Variants in HDAC9 observed in about 807,000 individuals in gnomAD.
HDAC9 encodes the protein histone deacetylase 9.
A neutral mutation model predicts 139.4 loss-of-function variants in HDAC9; 41 were observed. The ratio of observed to expected loss-of-function variants is 0.29; its 90% CI spans 0.23 to 0.38. The LOEUF (loss-of-function observed/expected upper bound fraction) is 0.38, where lower values mean the gene tolerates loss of function less well. HDAC9 is among the 10% of genes least tolerant of loss of function. The pLI, the probability that HDAC9 is intolerant of heterozygous loss-of-function variation, is 1.00. For synonymous variants in HDAC9, 517 were observed against 476.2 expected (o/e 1.09, Z -1.12); for missense variants, 1,147 against 1,297.0 (o/e 0.88, Z 1.78).
chr7:18,954,033 T>C, intron 23 of HDAC9, 113 bp from the exon 24 acceptor site: 1 of 707,496 alleles, frequency 1.4e-6, no homozygotes, highest in East Asian at 2.8e-5. Context: ...TGTTAACTAG[T>C]TCTCGGAGCA....
intron 13 of HDAC9, among the ~76,000 whole-genome samples, chr7:18,738,629 G>A (rs528370990): frequency 6.6e-5 from 10 of 152,312 alleles, no homozygotes; most frequent in East Asian, 3.9e-4. Context: ...AGAGAGATCC[G>A]CTGTTAGTCT....
At chr7:18,554,272 G>GA (rs538651140) in intron 2 of HDAC9, among the ~76,000 whole-genome samples, 10 of 142,212 alleles carry the variant, frequency 7.0e-5, no homozygotes, top group East Asian at 4.1e-4. Flanking sequence ...GAAAAGACAG[G>GA]AAAAAAAAAG....
At chr7:18,179,473 GT>G (rs1211261274) in intron 2 of HDAC9, among the ~76,000 whole-genome samples, 2 of 152,140 alleles carry the variant, frequency 1.3e-5, no homozygotes, top group Non-Finnish European at 2.9e-5. Context: ...TTTATATCCT[GT>G]TGGGGTTCTA....
chr7:18,602,086 A>G (rs549130234), intron 6 of HDAC9, among the ~76,000 whole-genome samples: 6 of 152,210 alleles, frequency 3.9e-5, no homozygotes, highest in Non-Finnish European at 2.9e-5. Context: ...AACCATTTGG[A>G]CCTGGTGCTT....
intron 1 of HDAC9, among the ~76,000 whole-genome samples, chr7:18,359,562 A>G (rs1783609986): frequency 6.6e-6 from 1 of 152,200 alleles, no homozygotes; most frequent in Non-Finnish European, 1.5e-5. Context: ...ATGTAACTGT[A>G]GTCCCCAGCA....
intron 1 of HDAC9, among the ~76,000 whole-genome samples, chr7:18,358,696 C>G (rs980741763): frequency 6.6e-5 from 10 of 152,164 alleles, no homozygotes; most frequent in African/African-American, 2.2e-4. Context: ...TATTCCTTCT[C>G]TATATCACTT....
chr7:18,756,984 G>A (rs184347841), intron 14 of HDAC9, among the ~76,000 whole-genome samples: 14 of 151,818 alleles, frequency 9.2e-5, no homozygotes, highest in South Asian at 4.2e-4. Context: ...CATTTCTTAC[G>A]TAACATTTTA....
chr7:18,372,922 G>A (rs184386700), intron 1 of HDAC9, among the ~76,000 whole-genome samples: 1 of 152,214 alleles, frequency 6.6e-6, no homozygotes, highest in Non-Finnish European at 1.5e-5. Flanking sequence ...TTAATAAACT[G>A]GAAATTGCAT....
chr7:18,403,395 A>G (rs1299075994), intron 1 of HDAC9, among the ~76,000 whole-genome samples: 2 of 152,094 alleles, frequency 1.3e-5, no homozygotes, highest in East Asian at 1.9e-4. Context: ...ATTTTTAACT[A>G]TTTCTTTCCA....
At chr7:18,985,558 G>T (rs1191480864) in intron 25 of HDAC9, among the ~76,000 whole-genome samples, 1 of 151,318 alleles carries the variant, frequency 6.6e-6, no homozygotes, top group Non-Finnish European at 1.5e-5. Context: ...AGAGCAGCAT[G>T]ATTTATAGTC....
chr7:18,909,314 T>A (rs999853938), intron 22 of HDAC9, among the ~76,000 whole-genome samples: 1 of 144,992 alleles, frequency 6.9e-6, no homozygotes, highest in Admixed American at 7.0e-5. Flanking sequence ...TAATTAATAG[T>A]TTACAAACAT....
intron 2 of HDAC9, among the ~76,000 whole-genome samples, chr7:18,199,344 C>A (rs1487502137): frequency 2.0e-5 from 3 of 152,054 alleles, no homozygotes; most frequent in Non-Finnish European, 4.4e-5. Context: ...TCCTTGGATT[C>A]ATTTTATTTT....
chr7:18,126,945 G>A (rs907541924), intron 1 of HDAC9, among the ~76,000 whole-genome samples: 2 of 152,148 alleles, frequency 1.3e-5, no homozygotes, highest in Non-Finnish European at 2.9e-5. Context: ...ATCCAAGTTA[G>A]CTCCAGACAA....
intron 23 of HDAC9, among the ~76,000 whole-genome samples, chr7:18,952,505 G>A (rs1201992453): frequency 6.6e-6 from 1 of 151,932 alleles, no homozygotes; most frequent in Non-Finnish European, 1.5e-5. Context: ...TTGGAACATA[G>A]AGTGTCATTT....
At chr7:18,816,716 CA>C (rs1206348399) in intron 17 of HDAC9, among the ~76,000 whole-genome samples, 2 of 152,192 alleles carry the variant, frequency 1.3e-5, no homozygotes, top group African/African-American at 4.8e-5. Context: ...AGTATTCATT[CA>C]TTCCAATTTT....
rs118009856 is a variant in HDAC9, at chr7:18,140,130, C to T, written c.-96-22099C>T. 8.4e-3 allele frequency among the ~76,000 whole-genome samples: 1,285 copies of T among 152,204 alleles called. 7 individuals carry two copies. Among genetic ancestry groups the T allele is most frequent in the Middle Eastern group, 0.041 (12 of 294 alleles). ...TAGATGTAGGTGTTTTCCCCCAAAG[C>T]CAGGGTACTCATTACTCAAATAAAA... is the stretch of plus-strand genomic sequence containing the variant. On this transcript the variant is annotated intron_variant, in intron 1 of 12. Transcript: ENST00000417496.
At chr7:18,234,098 C>T (rs890673550) in intron 2 of HDAC9, among the ~76,000 whole-genome samples, 2 of 152,086 alleles carry the variant, frequency 1.3e-5, no homozygotes, top group African/African-American at 4.8e-5. Context: ...TGTTAGATTA[C>T]GTAGTTGTGT....
intron 1 of HDAC9, among the ~76,000 whole-genome samples, chr7:18,121,518 G>A (rs1454271387): frequency 1.3e-5 from 2 of 149,674 alleles, no homozygotes; most frequent in Non-Finnish European, 3.0e-5. Context: ...ATACAGCCAA[G>A]GTAAGGTGAG....
At chr7:18,799,510 T>TA (rs1468591201) in intron 17 of HDAC9, among the ~76,000 whole-genome samples, 2 of 152,212 alleles carry the variant, frequency 1.3e-5, no homozygotes, top group Non-Finnish European at 2.9e-5. Flanking sequence ...TTTAAAGAAG[T>TA]AAGTTAAGCC....
Sources: allele counts gnomAD v4.1 joint callset (sites outside exome capture counted in the v4.1 genomes callset), GRCh38; gene constraint gnomAD v4.1.1; transcripts MANE v1.5; gene names NCBI Gene and HGNC (gene_info 2026-07-23, HGNC 2026-07-21).